CES5A: variants seen among roughly 807,000 people sequenced by gnomAD.
CES5A encodes carboxylesterase 5.
CES5A carries 67 observed loss-of-function variants against 62.9 expected under a neutral mutation model. That is an observed-to-expected ratio of 1.07 (90% CI 0.88 to 1.31). The LOEUF (loss-of-function observed/expected upper bound fraction) is 1.31, where lower values mean the gene tolerates loss of function less well. CES5A is among the 50% of genes most tolerant of loss of function. The pLI is 0.00. For missense variants in CES5A, 748 were observed against 708.5 expected (o/e 1.06, Z -0.63); for synonymous variants, 296 against 280.8 (o/e 1.05, Z -0.54).
At chr16:55,915,609 G>A (rs1757796892) in intron 1 of CES5A, among the ~76,000 whole-genome samples, 1 of 152,076 alleles carries the variant, frequency 6.6e-6, no homozygotes, top group Non-Finnish European at 1.5e-5. Context: ...CTAACAACAA[G>A]GTCTTTAAGC....
At chr16:55,847,372 TTCTC>T (rs1190475876) in intron 11 of CES5A, among the ~76,000 whole-genome samples, 1 of 151,774 alleles carries the variant, frequency 6.6e-6, no homozygotes, top group African/African-American at 2.4e-5. Flanking sequence ...TCTCTCTTGC[TTCTC>T]TCTCTTTTCC....
intron 1 of CES5A, among the ~76,000 whole-genome samples, chr16:55,896,903 T>G (rs1477240000): frequency 1.1e-4 from 16 of 152,226 alleles, no homozygotes; most frequent in Middle Eastern, 3.2e-3. Context: ...AAGTAAAACT[T>G]TATAAGGAAG....
chr16:55,884,276 T>C (rs1567340293), intron 1 of CES5A, among the ~76,000 whole-genome samples: 2 of 152,214 alleles, frequency 1.3e-5, no homozygotes, highest in Admixed American at 6.5e-5. Flanking sequence ...GCTTGCTTTA[T>C]CCTTTATCAT....
At chr16:55,941,094 G>T (rs58984449) in intron 2 of CES5A, among the ~76,000 whole-genome samples, 2,940 of 152,066 alleles carry the variant, frequency 0.019, 98 homozygotes, top group African/African-American at 0.067. Flanking sequence ...TGGGAGAAAG[G>T]CATGGATGAA....
chr16:55,889,572 C>T (rs1411870374), intron 1 of CES5A, among the ~76,000 whole-genome samples: 1 of 152,116 alleles, frequency 6.6e-6, no homozygotes, highest in Admixed American at 6.5e-5. Flanking sequence ...CATAGAGCGT[C>T]TATGCCCTCT....
chr16:55,914,557 C>T (rs12933145), intron 1 of CES5A, among the ~76,000 whole-genome samples: 74,518 of 152,056 alleles, frequency 0.49, 18,780 homozygotes, highest in Non-Finnish European at 0.52. Context: ...TCTGGGAGTA[C>T]GTGTCTGGCT....
At chr16:55,876,755 G>A (rs1321466837), upstream of CES5A, among the ~76,000 whole-genome samples, 1 of 152,202 alleles carries the variant, frequency 6.6e-6, no homozygotes. Context: ...GAGATCTCAG[G>A]GGGTGGTCCT....
chr16:55,866,300 G>T (rs1449482278), intron 4 of CES5A, among the ~76,000 whole-genome samples, 184 bp from the exon 5 acceptor site: 1 of 152,196 alleles, frequency 6.6e-6, no homozygotes, highest in Non-Finnish European at 1.5e-5. Context: ...ATTTCTTTGA[G>T]AATTTGATGA....
intron 2 of CES5A, among the ~76,000 whole-genome samples, chr16:55,944,924 T>C (rs1386709699): frequency 2.6e-5 from 4 of 152,186 alleles, no homozygotes; most frequent in African/African-American, 7.2e-5. Context: ...CCAGACCCTA[T>C]ACTCAAGGGA....
chr16:55,868,829 C>G (rs779617967), intron 4 of CES5A, among the ~76,000 whole-genome samples: 5 of 152,122 alleles, frequency 3.3e-5, no homozygotes, highest in Non-Finnish European at 7.4e-5. Context: ...TTTTGTGACC[C>G]CTGGGAAGTT....
chr16:55,922,395 T>C (rs2034214569), intron 1 of CES5A, among the ~76,000 whole-genome samples: 2 of 151,866 alleles, frequency 1.3e-5, no homozygotes, highest in South Asian at 4.1e-4. Context: ...GAAGTAGTTA[T>C]ACTTATATGA....
intron 1 of CES5A, among the ~76,000 whole-genome samples, chr16:55,922,732 A>C (rs1200182714): frequency 1.3e-5 from 2 of 151,988 alleles, no homozygotes; most frequent in African/African-American, 4.8e-5. Context: ...ACTGCTGCAG[A>C]ATACACATTC....
chr16:55,857,774 T>G (rs28588412), intron 8 of CES5A, among the ~76,000 whole-genome samples: 50,393 of 152,056 alleles, frequency 0.33, 9,531 homozygotes, highest in African/African-American at 0.52. Flanking sequence ...ATGCCAGGCT[T>G]TTTGATGTAT....
intron 1 of CES5A, among the ~76,000 whole-genome samples, chr16:55,898,995 T>C (rs1567346067): frequency 6.6e-6 from 1 of 152,126 alleles, no homozygotes; most frequent in Non-Finnish European, 1.5e-5. Context: ...GGTGTAGCAG[T>C]ACCTGGGGGA....
intron 1 of CES5A, among the ~76,000 whole-genome samples, chr16:55,954,457 C>T (rs1357608717): frequency 6.6e-6 from 1 of 152,190 alleles, no homozygotes; most frequent in Non-Finnish European, 1.5e-5. Context: ...AGAGGTCTCT[C>T]CCCCTACACA....
At chr16:55,866,199 G>A in intron 4 of CES5A, 83 bp from the exon 5 acceptor site, 1 of 1,420,292 alleles carries the variant, frequency 7.0e-7, no homozygotes, top group Non-Finnish European at 9.5e-7. Context: ...CAGAGGCTGT[G>A]GGCAGGGGTC....
intron 1 of CES5A, among the ~76,000 whole-genome samples, chr16:55,898,038 G>A (rs566790255): frequency 1.3e-5 from 2 of 152,340 alleles, no homozygotes; most frequent in African/African-American, 4.8e-5. Context: ...TCTATAGGGA[G>A]AGAAGTCAGA....
chr16:55,913,378 T>C (rs1375683138), intron 1 of CES5A, among the ~76,000 whole-genome samples: 1 of 152,174 alleles, frequency 6.6e-6, no homozygotes, highest in Non-Finnish European at 1.5e-5. Context: ...ACAGTAGTGA[T>C]GTCATCCCCA....
At chr16:55,873,168 C>T (rs1361929046) in intron 2 of CES5A, among the ~76,000 whole-genome samples, 2 of 152,116 alleles carry the variant, frequency 1.3e-5, no homozygotes, top group African/African-American at 4.8e-5. Flanking sequence ...TCACTGCCCA[C>T]CCAGTAAGTC....
Sources: gnomAD v4.1 joint callset for allele counts (sites outside exome capture counted in the v4.1 genomes callset) on GRCh38, gnomAD v4.1.1 for gene constraint, MANE v1.5 for transcripts, NCBI Gene and HGNC (gene_info 2026-07-23, HGNC 2026-07-21) for gene names.